Variants in MKX observed in about 807,000 individuals in gnomAD.
MKX encodes homeobox protein Mohawk.
MKX carries 13 observed loss-of-function variants against 36.0 expected under a neutral mutation model. That is an observed-to-expected ratio of 0.36 (90% CI 0.24 to 0.57). MKX has a LOEUF of 0.57. MKX is among the 20% of genes least tolerant of loss of function. The pLI is 0.79. For synonymous variants in MKX, 176 were observed against 178.3 expected, an observed-to-expected ratio of 0.99 and a Z score of 0.10; for missense variants, 458 against 456.4, an observed-to-expected ratio of 1.00 and a Z score of -0.03.
chr10:27,730,263 CTG>C (rs1368614934), intron 5 of MKX, among the ~76,000 whole-genome samples: 4 of 152,140 alleles, frequency 2.6e-5, no homozygotes, highest in Admixed American at 6.5e-5. Flanking sequence ...AAGCCAAAGA[CTG>C]TGGATTACAG....
chr10:27,684,035 T>A (rs1019029240), intron 5 of MKX, among the ~76,000 whole-genome samples: 2 of 152,180 alleles, frequency 1.3e-5, no homozygotes, highest in Non-Finnish European at 2.9e-5. Context: ...ATTTGTTGGC[T>A]GGATACAGCA....
chr10:27,737,821 C>T (rs1391317740), intron 3 of MKX, among the ~76,000 whole-genome samples: 2 of 152,048 alleles, frequency 1.3e-5, no homozygotes, highest in Admixed American at 1.3e-4. Flanking sequence ...CTTAACTAAC[C>T]TTAAATCTTC....
intron 5 of MKX, among the ~76,000 whole-genome samples, chr10:27,726,938 G>A (rs766732076): frequency 3.9e-5 from 6 of 151,910 alleles, no homozygotes; most frequent in Non-Finnish European, 8.8e-5. Flanking sequence ...TGAAAGACAC[G>A]GTAATAAGCA....
chr10:27,700,404 A>G (rs942597777), intron 5 of MKX, among the ~76,000 whole-genome samples: 1 of 152,218 alleles, frequency 6.6e-6, no homozygotes, highest in South Asian at 2.1e-4. Flanking sequence ...AGTTACCTAA[A>G]TTATTTCCAG....
At position 27,675,254 on chromosome 10, in the gene MKX, T is replaced by G; in HGVS notation, c.1034A>C (p.Lys345Thr). ...SSHIAEVKTV[K>T]VPLVQQF ...TTAAAACTGCTGCACCAGCGGCACT[T>G]TGACAGTCTTTACTTCTGCTATATG... The change falls in exon 7 of 7, where the codon AAA becomes ACA. Residue 345 changes from lysine to threonine, a missense_variant. Coordinates refer to ENST00000419761, the MANE Select transcript of MKX (RefSeq NM_173576.3). 7 of 1,613,968 alleles carry G rather than the reference T, an allele frequency of 4.3e-6. No individual in the cohort carries two copies. The highest frequency in any genetic ancestry group is 5.1e-6 in the Non-Finnish European group (6 of 1,179,962).
rs1290827788 is a variant in MKX, at chr10:27,744,586, T to A, written c.-82-1089A>T. On this transcript the variant is annotated intron_variant, in intron 1 of 6. Transcript: ENST00000419761. The surrounding 1 kb of genome is among the most constrained non-coding windows in gnomAD (Gnocchi z 5.6). ...CGCGGCGGACTTCGCCCGCCCCATCTCCTCGCCTCGCGCCTCGGGACAGCT... is the reference window on the plus strand; with the variant it reads ...CGCGGCGGACTTCGCCCGCCCCATCACCTCGCCTCGCGCCTCGGGACAGCT... Among the ~76,000 whole-genome samples, 1 of 151,938 alleles carries A rather than the reference T, an allele frequency of 6.6e-6. No homozygotes were observed. Among genetic ancestry groups the A allele is most frequent in the African/African-American group, 2.4e-5 (1 of 41,372 alleles).
At chr10:27,687,526 C>T (rs1285018103) in intron 5 of MKX, among the ~76,000 whole-genome samples, 1 of 152,138 alleles carries the variant, frequency 6.6e-6, no homozygotes, top group Non-Finnish European at 1.5e-5. Flanking sequence ...TTAGTCATTT[C>T]CTGATGTTTA....
At position 27,673,701 on chromosome 10, in the gene MKX, C is replaced by A. The variant is rs1836090113; in HGVS notation, c.*1528G>T. The A allele has an allele frequency of 1.3e-5, 2 of 152,222 alleles. No individual in the cohort carries two copies. The highest frequency in any genetic ancestry group is 2.1e-4 in the South Asian group (1 of 4,816). The allele number at this position is 152,222 out of a possible 1,614,324, so 9.4% of individuals were successfully genotyped here. A position where few individuals can be genotyped will look rare whatever the true frequency, so the allele number is the denominator to read the frequency against. On this transcript the variant is annotated 3_prime_UTR_variant, in exon 7 of 7. Transcript: ENST00000419761. ...TTATCTTCATTACACTAAATAAACC[C>A]AATCCCCAAATGTTATGTTACATGA...
chr10:27,728,974 A>G (rs1194783554), intron 5 of MKX, among the ~76,000 whole-genome samples: 1 of 152,154 alleles, frequency 6.6e-6, no homozygotes, highest in Non-Finnish European at 1.5e-5. Context: ...ATCCAAATGG[A>G]TACTACCTCC....
chr10:27,733,677 G>C (rs570116084), intron 5 of MKX, among the ~76,000 whole-genome samples: 1 of 152,314 alleles, frequency 6.6e-6, no homozygotes, highest in South Asian at 2.1e-4. Context: ...GTCTACACCA[G>C]ATGTTGGTCA....
chr10:27,711,504 TTCCTTCCTTC>T (rs1564357125), intron 5 of MKX, among the ~76,000 whole-genome samples: 485 of 22,120 alleles, frequency 0.022, 10 homozygotes, highest in African/African-American at 0.036. Flanking sequence ...TCTTCTTTCC[TTCCTTCCTTC>T]CTTCCTTCCT....
At chr10:27,709,110 A>C (rs1836808469) in intron 5 of MKX, among the ~76,000 whole-genome samples, 1 of 152,146 alleles carries the variant, frequency 6.6e-6, no homozygotes, top group Non-Finnish European at 1.5e-5. Context: ...TGGATGTTGC[A>C]GTGAGCTGAA....
intron 5 of MKX, among the ~76,000 whole-genome samples, chr10:27,725,632 C>A (rs1311090717): frequency 2.9e-5 from 4 of 136,834 alleles, no homozygotes; most frequent in Admixed American, 7.3e-5. Context: ...ATTTTAGAAA[C>A]AAAGTAGGGA....
In MKX at chr10:27,673,221, A is replaced by G. The variant is rs537156899; in HGVS notation, c.*2008T>C. The G allele has an allele frequency of 7.9e-5, 12 of 152,324 alleles. No homozygotes were observed. Among genetic ancestry groups the G allele is most frequent in the African/African-American group, 2.9e-4 (12 of 41,580 alleles). 9.4% of individuals were successfully genotyped at this position (152,324 alleles called of 1,614,324 possible). A position where few individuals can be genotyped will look rare whatever the true frequency, so the allele number is the denominator to read the frequency against. On this transcript the variant is annotated 3_prime_UTR_variant, in exon 7 of 7. Transcript: ENST00000419761. ...TTTGGTATTAAAAAAAATCATGTGA[A>G]TAGTTGTCCTATATTGCCTTGTCAT...
rs1181844546 is a variant in MKX, at chr10:27,744,726, A to ACACACACACACACACACACACC, written c.-83+980_-83+981insGGTGTGTGTGTGTGTGTGTGTG. On this transcript the variant is annotated intron_variant, in intron 1 of 6. Transcript: ENST00000419761. This position sits in a 1 kb window ranked among gnomAD's most constrained non-coding sequence, Gnocchi z 5.6. Reference sequence around the variant, plus strand: ...CGCGCGCGCATACACACACACACACACACACACACACACACACACCCTTTG... The same window carrying ACACACACACACACACACACACC: ...CGCGCGCGCATACACACACACACACACACACACACACACACACACACCCACACACACACACACACACCCTTTG... 2.0e-5 allele frequency: 3 copies of ACACACACACACACACACACACC among 152,796 alleles called. No homozygotes were observed. Among genetic ancestry groups the ACACACACACACACACACACACC allele is most frequent in the African/African-American group, 7.3e-5 (3 of 41,210 alleles). The allele number at this position is 152,796 out of a possible 1,614,324, so 9.5% of individuals were successfully genotyped here.
chr10:27,735,124 C>T, intron 4 of MKX, 97 bp downstream of exon 4: 1 of 1,166,112 alleles, frequency 8.6e-7, no homozygotes, highest in Non-Finnish European at 1.2e-6. Context: ...CGTTAAGGCA[C>T]CATCATATTT....
At chr10:27,687,772 G>A (rs1836384690) in intron 5 of MKX, among the ~76,000 whole-genome samples, 1 of 152,210 alleles carries the variant, frequency 6.6e-6, no homozygotes, top group Non-Finnish European at 1.5e-5. Flanking sequence ...AGTTTAAAAT[G>A]TTCAGCCTGA....
intron 5 of MKX, among the ~76,000 whole-genome samples, chr10:27,680,255 A>G (rs1836230697): frequency 6.6e-6 from 1 of 152,072 alleles, no homozygotes; most frequent in Non-Finnish European, 1.5e-5. Context: ...TTTAGATTCC[A>G]AGGTTCCAAA....
rs1834886518 is a variant in MKX at position 27,741,254 on chromosome 10, C to T, written c.348+91G>A. On this transcript the variant is annotated intron_variant, in intron 3 of 6. Transcript: ENST00000419761. The surrounding 1 kb of genome is among the most constrained non-coding windows in gnomAD (Gnocchi z 5.1). ...GGCTCCATCCCTCTCCAGGTAGAAG[C>T]GCCACGTGGAGAGCCACACGAACTC... 2 of 1,513,604 alleles carry T rather than the reference C, an allele frequency of 1.3e-6. No homozygotes were observed. The highest frequency in any genetic ancestry group is 1.8e-6 in the Non-Finnish European group (2 of 1,106,312). 93.8% of individuals were successfully genotyped at this position (1,513,604 alleles called of 1,614,324 possible). A position where few individuals can be genotyped will look rare whatever the true frequency, so the allele number is the denominator to read the frequency against.
Sources: allele counts gnomAD v4.1 joint callset (sites outside exome capture counted in the v4.1 genomes callset), GRCh38; gene constraint gnomAD v4.1.1; non-coding constraint Gnocchi (gnomAD v3.1); transcripts MANE v1.5; gene names NCBI Gene and HGNC (gene_info 2026-07-23, HGNC 2026-07-21).